The following IK variants were observed in gnomAD, a reference collection of about 807,000 sequenced individuals.
The protein encoded by IK is IK cytokine.
A neutral mutation model predicts 90.9 loss-of-function variants in IK; 47 were observed. The ratio of observed to expected loss-of-function variants is 0.52; its 90% confidence interval spans 0.41 to 0.66. The LOEUF is 0.66. Among genes scored for constraint, IK ranks in the 30% least tolerant of loss-of-function variants. The pLI, the probability that IK is intolerant of heterozygous loss-of-function variation, is 0.00. For missense variants in IK, 385 were observed against 709.3 expected (o/e 0.54, Z 5.19); for synonymous variants, 201 against 227.5 (o/e 0.88, Z 1.05).
intron 2 of IK, among the ~76,000 whole-genome samples, chr5:140,651,308 G>A (rs1003123262): frequency 3.3e-5 from 5 of 151,854 alleles, no homozygotes; most frequent in South Asian, 2.1e-4. Context: ...GTGTGTTGGC[G>A]GGCACCTGTA....
At position 140,658,969 on chromosome 5, in the gene IK, C is replaced by G; in HGVS notation, c.981C>G (p.Pro327=). ...TTGAAGACATTGGGGATTACGTACC[C>G]TCCACAACCAAGACACCTCGGGACA... ...NIFEDIGDYV[P]STTKTPRDKE... The change falls in exon 12 of 20, where the codon CCC becomes CCG. Residue 327 remains proline, a synonymous_variant. Coordinates refer to ENST00000417647, the MANE Select transcript of IK (RefSeq NM_006083.4). 6.2e-7 allele frequency: 1 copy of G among 1,613,950 alleles called. No individual in the cohort carries two copies.
intron 4 of IK, 90 bp downstream of exon 4, chr5:140,652,237 T>C (rs1258008746): frequency 9.7e-7 from 1 of 1,032,100 alleles, no homozygotes; most frequent in African/African-American, 1.6e-5. Context: ...GAAACTAAGA[T>C]TTTGTCTTGA....
chr5:140,654,775 AC>A, intron 8 of IK, 48 bp downstream of exon 8: 2 of 1,216,366 alleles, frequency 1.6e-6, no homozygotes, highest in South Asian at 1.3e-5. Flanking sequence ...GATGAATTGT[AC>A]GGAATTTAAT....
At chr5:140,658,217 G>A (rs2149807660) in intron 10 of IK, among the ~76,000 whole-genome samples, 1 of 152,298 alleles carries the variant, frequency 6.6e-6, no homozygotes, top group South Asian at 2.1e-4. Flanking sequence ...TATTGGCCTG[G>A]CTGGCCTCGA....
intron 6 of IK, 31 bp from the exon 7 acceptor site, chr5:140,654,485 A>T: frequency 6.5e-7 from 1 of 1,533,880 alleles, no homozygotes; most frequent in Non-Finnish European, 8.9e-7. Context: ...ATATAAAATG[A>T]GTGTCCTAAC....
chr5:140,653,220 T>TA (rs1757644577), intron 5 of IK, 76 bp downstream of exon 5: 2 of 1,323,830 alleles, frequency 1.5e-6, no homozygotes, highest in Non-Finnish European at 2.1e-6. Flanking sequence ...CTCTTCCTCT[T>TA]ACTTTCCTGC....
chr5:140,652,612 C>CT (rs1388062010), intron 4 of IK, among the ~76,000 whole-genome samples: 2 of 152,090 alleles, frequency 1.3e-5, no homozygotes. Context: ...AGTGGACCAG[C>CT]AAATAATACG....
At chr5:140,658,198 G>A (rs1224607019) in intron 10 of IK, among the ~76,000 whole-genome samples, 3 of 152,112 alleles carry the variant, frequency 2.0e-5, no homozygotes, top group African/African-American at 7.2e-5. Flanking sequence ...TAGAGATGGG[G>A]TTTCACTGTA....
chr5:140,651,484 C>T (rs545573039), intron 2 of IK, among the ~76,000 whole-genome samples: 1 of 150,674 alleles, frequency 6.6e-6, no homozygotes, highest in South Asian at 2.1e-4. Flanking sequence ...TCCCTATAAT[C>T]CCAGCACTTT....
In IK at chr5:140,662,407, G is replaced by C. The variant is rs1757816717; in HGVS notation, c.*78G>C. The C allele has an allele frequency of 2.6e-5, 39 of 1,499,162 alleles. No individual in the cohort carries two copies. Among genetic ancestry groups the C allele is most frequent in the Non-Finnish European group, 3.5e-5 (38 of 1,079,710 alleles). The allele number at this position is 1,499,162 out of a possible 1,614,324, so 92.9% of individuals were successfully genotyped here. A position where few individuals can be genotyped will look rare whatever the true frequency, so the allele number is the denominator to read the frequency against. ...TTTCTACAATTTCCAAAGGTTGCAA[G>C]ATGTTTTTTTGTGGATGAATATAAA... On this transcript the variant is annotated 3_prime_UTR_variant, in exon 20 of 20. Coordinates refer to ENST00000417647, the MANE Select transcript of IK (RefSeq NM_006083.4).
rs1757760909 is a variant in IK, at chr5:140,659,150, A to G, written c.1162A>G (p.Lys388Glu). 1.9e-6 allele frequency: 3 copies of G among 1,589,648 alleles called. No individual in the cohort carries two copies. Reference sequence around the variant, plus strand: ...GAGACACAGCTACTTTGAGAAGCCAAAAGTAGATGATGAGGTGAGATGTGG... The same window carrying G: ...GAGACACAGCTACTTTGAGAAGCCAGAAGTAGATGATGAGGTGAGATGTGG... Reference protein sequence around the residue: ...KKRHSYFEKPKVDDEPMDVDK... With the variant: ...KKRHSYFEKPEVDDEPMDVDK... Residue 388 changes from lysine to glutamate, a missense_variant, in exon 12 of 20, where the codon AAA becomes GAA. Physicochemically the swap from Lys to Glu is moderately conservative, Grantham distance 56. This residue lies in a region of IK where 139 missense variants were observed against 172.0 expected (regional missense o/e 0.81). Coordinates refer to ENST00000417647, the MANE Select transcript of IK (RefSeq NM_006083.4).
rs765873636 is a variant in IK, at chr5:140,652,076, C to T, written c.177-12C>T. 37 of 1,609,830 alleles carry T rather than the reference C, an allele frequency of 2.3e-5. No individual in the cohort carries two copies. The highest frequency in any genetic ancestry group is 1.1e-4 in the African/African-American group (8 of 74,818). On this transcript the variant is annotated splice_polypyrimidine_tract_variant and intron_variant, in intron 3 of 19. Coordinates refer to ENST00000417647, the MANE Select transcript of IK (RefSeq NM_006083.4). ...AATATTTTGCTATCAGTGAATTTCT[C>T]GTCTCTTCTAGGATGCCAAGGGAGT...
chr5:140,660,952 C>T (rs1273224831), intron 16 of IK, 137 bp downstream of exon 16: 4 of 644,362 alleles, frequency 6.2e-6, no homozygotes, highest in African/African-American at 5.4e-5. Context: ...GAAACAGCAG[C>T]ATTGAGGGTC....
chr5:140,649,139 C>G (rs988120010), intron 2 of IK, among the ~76,000 whole-genome samples: 1 of 147,026 alleles, frequency 6.8e-6, no homozygotes, highest in African/African-American at 2.5e-5. Flanking sequence ...GCCTGGCCCC[C>G]GATAAAATCA....
chr5:140,655,423 T>C (rs1757693068), intron 8 of IK, among the ~76,000 whole-genome samples: 1 of 152,230 alleles, frequency 6.6e-6, no homozygotes, highest in Admixed American at 6.5e-5. Flanking sequence ...ATAACATGCC[T>C]ATCATATTGA....
chr5:140,660,078 T>G, intron 14 of IK, 37 bp from the exon 15 acceptor site: 1 of 1,570,350 alleles, frequency 6.4e-7, no homozygotes, highest in Non-Finnish European at 8.8e-7. Flanking sequence ...CAGCAATAGG[T>G]AGAATCCTGT....
intron 6 of IK, 66 bp from the exon 7 acceptor site, chr5:140,654,450 G>A: frequency 8.5e-7 from 1 of 1,174,508 alleles, no homozygotes; most frequent in Non-Finnish European, 1.2e-6. Flanking sequence ...CTGGTACAGT[G>A]TGGTGTAGTG....
intron 2 of IK, among the ~76,000 whole-genome samples, chr5:140,650,770 G>A (rs1282830022): frequency 6.6e-6 from 1 of 151,998 alleles, no homozygotes; most frequent in African/African-American, 2.4e-5. Flanking sequence ...GTAGAGATGG[G>A]ATATCACCAT....
In IK at chr5:140,653,145, G is replaced by A. The variant is rs751850006; in HGVS notation, c.404+1G>A. ...GGGCTGTTGGCCCCACTGCTGAGGCGTGAGTACTGAGGGAACAGGGCATGG... is the reference window on the plus strand; with the variant it reads ...GGGCTGTTGGCCCCACTGCTGAGGCATGAGTACTGAGGGAACAGGGCATGG... On this transcript the variant is annotated splice_donor_variant, in intron 5 of 19. Coordinates refer to ENST00000417647, the MANE Select transcript of IK (RefSeq NM_006083.4). LOFTEE classifies it high-confidence loss of function. The A allele has an allele frequency of 9.3e-6, 15 of 1,613,124 alleles. No homozygotes were observed. The highest frequency in any genetic ancestry group is 2.2e-5 in the East Asian group (1 of 44,866).
Sources: gnomAD v4.1 joint callset for allele counts (sites outside exome capture counted in the v4.1 genomes callset) on GRCh38, gnomAD v4.1.1 for gene constraint, gnomAD v4.1.1 regional missense constraint, MANE v1.5 for transcripts, NCBI Gene and HGNC (gene_info 2026-07-23, HGNC 2026-07-21) for gene names.